Variants in MICU1 observed in about 807,000 individuals in gnomAD.
MICU1 encodes the protein mitochondrial calcium uptake 1.
In MICU1, 45 loss-of-function variants were observed where a neutral mutation model predicts 56.8. The ratio of observed to expected loss-of-function variants is 0.79; its 90% CI spans 0.62 to 1.02. The LOEUF (loss-of-function observed/expected upper bound fraction) is 1.02, where lower values mean the gene tolerates loss of function less well. Among genes scored for constraint, MICU1 ranks in the 50% least tolerant of loss-of-function variants. MICU1 has a pLI of 0.00. For synonymous variants in MICU1, 186 were observed against 195.1 expected (o/e 0.95, Z 0.39); for missense variants, 504 against 587.1 (o/e 0.86, Z 1.46).
At chr10:72,616,226 G>A (rs1841976469) in intron 1 of MICU1, among the ~76,000 whole-genome samples, 1 of 152,006 alleles carries the variant, frequency 6.6e-6, no homozygotes, top group South Asian at 2.1e-4. Flanking sequence ...TTTACCTTGT[G>A]TGCTTTCTTG....
chr10:72,544,302 C>T (rs554844227), intron 4 of MICU1, among the ~76,000 whole-genome samples: 60 of 152,098 alleles, frequency 3.9e-4, no homozygotes, highest in Non-Finnish European at 7.4e-4. Context: ...AGCTCCCGGC[C>T]GAATAAAGCT....
intron 8 of MICU1, among the ~76,000 whole-genome samples, chr10:72,444,022 C>T (rs1174819826): frequency 6.6e-6 from 1 of 151,652 alleles, no homozygotes; most frequent in African/African-American, 2.4e-5. Flanking sequence ...CACATATACA[C>T]CATGGAATAC....
intron 1 of MICU1, among the ~76,000 whole-genome samples, chr10:72,588,716 G>C (rs1241419378): frequency 6.6e-6 from 1 of 152,148 alleles, no homozygotes. Context: ...GCTTGGCTGT[G>C]GGGGGCTGTC....
At chr10:72,534,195 CAAAAA>C (rs11297602) in intron 4 of MICU1, among the ~76,000 whole-genome samples, 3 of 86,486 alleles carry the variant, frequency 3.5e-5, no homozygotes, top group Non-Finnish European at 2.7e-5. Context: ...AATTAAACAC[CAAAAA>C]AAAAAAAAAA....
chr10:72,574,684 T>G (rs1215329025), intron 1 of MICU1, among the ~76,000 whole-genome samples: 1 of 152,020 alleles, frequency 6.6e-6, no homozygotes, highest in Non-Finnish European at 1.5e-5. Context: ...TATGTTGAAT[T>G]TATTCGGGAA....
At chr10:72,393,334 G>A (rs776006618) in intron 10 of MICU1, among the ~76,000 whole-genome samples, 2 of 152,178 alleles carry the variant, frequency 1.3e-5, no homozygotes, top group African/African-American at 4.8e-5. Context: ...TATGATACAG[G>A]ATGATGGAAC....
At chr10:72,469,458 C>T (rs1161471157) in intron 8 of MICU1, among the ~76,000 whole-genome samples, 1 of 152,132 alleles carries the variant, frequency 6.6e-6, no homozygotes, top group Non-Finnish European at 1.5e-5. Context: ...ATTTCATACT[C>T]AATGAAAGGA....
At chr10:72,513,276 G>A (rs1168363987) in intron 5 of MICU1, among the ~76,000 whole-genome samples, 1 of 152,042 alleles carries the variant, frequency 6.6e-6, no homozygotes, top group Non-Finnish European at 1.5e-5. Flanking sequence ...GTATCTCACT[G>A]TGATTTTGAT....
At chr10:72,551,864 G>C (rs1840043515) in intron 3 of MICU1, among the ~76,000 whole-genome samples, 2 of 152,020 alleles carry the variant, frequency 1.3e-5, no homozygotes, top group African/African-American at 4.8e-5. Context: ...TCAAACTCCT[G>C]GGCTCAAATG....
At chr10:72,500,303 T>TATACATATA (rs1388516520) in intron 6 of MICU1, among the ~76,000 whole-genome samples, 1 of 4,778 alleles carries the variant, frequency 2.1e-4, no homozygotes, top group Non-Finnish European at 6.7e-4. Context: ...TATATATATA[T>TATACATATA]TTTTTTTTTT....
chr10:72,547,529 A>G (rs1203655002), intron 4 of MICU1, among the ~76,000 whole-genome samples: 1 of 91,934 alleles, frequency 1.1e-5, no homozygotes, highest in African/African-American at 4.4e-5. Context: ...ATATATACAC[A>G]TATGTATATA....
chr10:72,487,367 C>G (rs147110081), intron 6 of MICU1, among the ~76,000 whole-genome samples: 2 of 152,082 alleles, frequency 1.3e-5, no homozygotes, highest in African/African-American at 2.4e-5. Context: ...CAGCTACAGA[C>G]AAGAGCAGAG....
chr10:72,556,103 C>A (rs192428823), intron 3 of MICU1, among the ~76,000 whole-genome samples: 1 of 152,052 alleles, frequency 6.6e-6, no homozygotes, highest in Admixed American at 6.6e-5. Context: ...ATCATGTGGC[C>A]GGCACACTCT....
chr10:72,606,374 C>T (rs566162976), intron 1 of MICU1, among the ~76,000 whole-genome samples: 1 of 151,604 alleles, frequency 6.6e-6, no homozygotes, highest in South Asian at 2.1e-4. Flanking sequence ...ATTAGCCGGG[C>T]ATGGTGGTGG....
chr10:72,466,511 A>C (rs767118380), intron 8 of MICU1, among the ~76,000 whole-genome samples: 1 of 152,218 alleles, frequency 6.6e-6, no homozygotes, highest in Non-Finnish European at 1.5e-5. Flanking sequence ...AACTACCCAC[A>C]TTCTGCTTTG....
rs540550202 is a variant in MICU1, at chr10:72,496,587, C to T, written c.652+11568G>A. Among the ~76,000 whole-genome samples the T allele has an allele frequency of 1.2e-3, 184 of 152,330 alleles. 1 individual carries two copies. Among genetic ancestry groups the T allele is most frequent in the African/African-American group, 4.0e-3 (166 of 41,582 alleles). On this transcript the variant is annotated intron_variant, in intron 6 of 11. Transcript: ENST00000361114. ...AAAGTGCTGAGATTATAGGCATGGG[C>T]CACCGTGCCTGACTGCCCAGCTAAT...
chr10:72,564,313 G>A (rs1343692477), intron 2 of MICU1, among the ~76,000 whole-genome samples: 1 of 152,090 alleles, frequency 6.6e-6, no homozygotes, highest in Admixed American at 6.5e-5. Flanking sequence ...GGCCGAGGTG[G>A]GTGGATCACT....
intron 8 of MICU1, among the ~76,000 whole-genome samples, chr10:72,436,983 A>T (rs572226369): frequency 2.0e-5 from 3 of 152,340 alleles, no homozygotes; most frequent in African/African-American, 7.2e-5. Context: ...TCAGGATATT[A>T]TCCAGGAGAA....
chr10:72,489,161 A>C (rs1281228728), intron 6 of MICU1, among the ~76,000 whole-genome samples: 3 of 151,970 alleles, frequency 2.0e-5, no homozygotes. Flanking sequence ...ATAGTGGCAC[A>C]TGCGGGTAAT....
Sources: allele counts gnomAD v4.1 joint callset (sites outside exome capture counted in the v4.1 genomes callset), GRCh38; gene constraint gnomAD v4.1.1; transcripts MANE v1.5; gene names NCBI Gene and HGNC (gene_info 2026-07-23, HGNC 2026-07-21).